TMBIM1: variants seen among roughly 807,000 people sequenced by gnomAD.
TMBIM1 encodes the protein protein lifeguard 3.
A neutral mutation model predicts 45.1 loss-of-function variants in TMBIM1; 34 were observed. The observed-to-expected ratio is 0.75, with a 90% confidence interval of 0.57 to 1.00. TMBIM1 has a LOEUF of 1.00. Ranked by LOEUF, TMBIM1 falls within the 50% of genes least tolerant of loss-of-function variation. TMBIM1 has a pLI of 0.00. For missense variants in TMBIM1, 374 were observed against 402.4 expected (o/e 0.93, Z 0.60); for synonymous variants, 157 against 153.5 (o/e 1.02, Z -0.17).
chr2:218,280,031 G>A lies in TMBIM1; in HGVS notation c.298C>T (p.Arg100Ter), dbSNP rs762640669. 10 of 1,613,906 alleles carry A rather than the reference G, an allele frequency of 6.2e-6. No individual in the cohort carries two copies. The highest frequency in any genetic ancestry group is 4.4e-5 in the South Asian group (4 of 91,078). Residue 100 changes from arginine to a stop codon, truncating the protein, a stop_gained, in exon 3 of 12, where the codon CGA (arginine) becomes TGA (stop). Transcript: ENST00000258412. LOFTEE classifies it high-confidence loss of function. Reference sequence around the variant, plus strand: ...CCTCCCAGCGCGTATCTTACCTTTCGGATAAAAGTGTGTCGCACTTTCCGG... The same window carrying A: ...CCTCCCAGCGCGTATCTTACCTTTCAGATAAAAGTGTGTCGCACTTTCCGG... ...DDRKVRHTFI[R>*]KVYSIISVQL... is the part of the protein sequence containing the mutation.
At chr2:218,279,694 C>T (rs1394340895) in intron 3 of TMBIM1, among the ~76,000 whole-genome samples, 1 of 152,122 alleles carries the variant, frequency 6.6e-6, no homozygotes, top group Non-Finnish European at 1.5e-5. Context: ...GGGTTACAAG[C>T]GAGTAGGATC....
chr2:218,290,615 G>A (rs1692871065), intron 1 of TMBIM1, among the ~76,000 whole-genome samples: 1 of 152,218 alleles, frequency 6.6e-6, no homozygotes, highest in Admixed American at 6.5e-5. Context: ...AGCTACCACA[G>A]AACCAGGAAA....
chr2:218,281,850 TAGAAG>T (rs1692034720), intron 2 of TMBIM1, 85 bp downstream of exon 2: 2 of 1,011,684 alleles, frequency 2.0e-6, no homozygotes, highest in South Asian at 1.4e-5. Context: ...TAAGGGAAAC[TAGAAG>T]AGAAAAGGGG....
In TMBIM1 at chr2:218,279,368, C is replaced by T. The variant is rs776568042; in HGVS notation, c.304-15G>A. The T allele has an allele frequency of 7.1e-6, 11 of 1,545,644 alleles. No individual in the cohort carries two copies. Among genetic ancestry groups the T allele is most frequent in the Non-Finnish European group, 7.8e-6 (9 of 1,147,588 alleles). ...ATGGAGTAAACCTGGACACAGACGG[C>T]CGGGCATGGGTCACCATCCGGCACC... On this transcript the variant is annotated splice_polypyrimidine_tract_variant and intron_variant, in intron 3 of 11. Transcript: ENST00000258412.
At chr2:218,288,255 C>G (rs1692678295) in intron 1 of TMBIM1, among the ~76,000 whole-genome samples, 1 of 152,154 alleles carries the variant, frequency 6.6e-6, no homozygotes, top group South Asian at 2.1e-4. Context: ...GGTGAAACCC[C>G]ATCTCTACTA....
chr2:218,289,368 G>A (rs1158381136), intron 1 of TMBIM1, among the ~76,000 whole-genome samples: 4 of 152,086 alleles, frequency 2.6e-5, no homozygotes, highest in African/African-American at 4.8e-5. Flanking sequence ...ATGGCCAGGC[G>A]CGGTGGCTCA....
intron 1 of TMBIM1, among the ~76,000 whole-genome samples, chr2:218,289,714 G>A (rs754783138): frequency 2.0e-5 from 3 of 151,150 alleles, no homozygotes; most frequent in Non-Finnish European, 4.4e-5. Flanking sequence ...AGGCTTCAGG[G>A]CAGAATGGCA....
At position 218,275,554 on chromosome 2, in the gene TMBIM1, A is replaced by T; in HGVS notation, c.857T>A (p.Ile286Asn). 1 of 1,613,970 alleles carries T rather than the reference A, an allele frequency of 6.2e-7. No individual in the cohort carries two copies. Among genetic ancestry groups the T allele is most frequent in the East Asian group, 2.2e-5 (1 of 44,858 alleles). Reference protein sequence around the residue: ...RKHTISPEDYITGALQIYTDI... With the variant: ...RKHTISPEDYNTGALQIYTDI... ...TGTGTAAATCTGCAGGGCGCCAGTG[A>T]TGTAGTCCTCGGGGCTGATGGTGTG... is the stretch of plus-strand genomic sequence containing the variant. Residue 286 changes from isoleucine (I) to asparagine (N), a missense_variant, in exon 12 of 12, where the codon ATC (isoleucine) becomes AAC (asparagine). Physicochemically the swap from Ile to Asn is moderately radical, Grantham distance 149. Transcript: ENST00000258412.
rs951034244 is a variant in TMBIM1 at position 218,281,866 on chromosome 2, C to A, written c.202+74G>T. The A allele has an allele frequency of 1.2e-5, 14 of 1,136,464 alleles. No homozygotes were observed. The African/African-American group carries it at 1.6e-4, about 13-fold the overall frequency. The allele number at this position is 1,136,464 out of a possible 1,614,324, so 70.4% of individuals were successfully genotyped here. On this transcript the variant is annotated intron_variant, in intron 2 of 11. Coordinates refer to ENST00000258412, the MANE Select transcript of TMBIM1 (RefSeq NM_022152.6). ...AAGGGAAACTAGAAGAGAAAAGGGG[C>A]AGGAGGCGGTGGCCTCATCTGCTCC...
intron 10 of TMBIM1, among the ~76,000 whole-genome samples, 166 bp from the exon 11 acceptor site, chr2:218,276,245 T>TA (rs908877590): frequency 2.0e-5 from 3 of 152,038 alleles, no homozygotes; most frequent in Non-Finnish European, 2.9e-5. Context: ...TTAAGACTGG[T>TA]GATATATCCA....
At chr2:218,278,668 T>C in intron 5 of TMBIM1, 103 bp from the exon 6 acceptor site, 4 of 1,289,442 alleles carry the variant, frequency 3.1e-6, no homozygotes, top group Non-Finnish European at 4.5e-6. Context: ...TTTGGAAGTC[T>C]GAGGGGAAGC....
At chr2:218,278,957 G>A in intron 5 of TMBIM1, 81 bp downstream of exon 5, 1 of 1,548,580 alleles carries the variant, frequency 6.5e-7, no homozygotes, top group Non-Finnish European at 8.9e-7. Flanking sequence ...TTTTGATCCT[G>A]CCCTGAGCAA....
chr2:218,279,208 G>T (rs1485813405), intron 4 of TMBIM1, 81 bp downstream of exon 4: 11 of 1,563,184 alleles, frequency 7.0e-6, no homozygotes, highest in Non-Finnish European at 9.6e-6. Context: ...TGAGAGCAGG[G>T]CCCACCGCCA....
intron 1 of TMBIM1, among the ~76,000 whole-genome samples, chr2:218,290,446 T>C (rs1264358877): frequency 1.3e-5 from 2 of 152,340 alleles, no homozygotes; most frequent in East Asian, 3.9e-4. Flanking sequence ...TACACCCAGC[T>C]GCCCCTCAGA....
At chr2:218,286,977 C>G (rs1164986194) in intron 1 of TMBIM1, 2 of 152,198 alleles carry the variant, frequency 1.3e-5, no homozygotes, top group African/African-American at 4.8e-5. Context: ...CACAAGAAAA[C>G]ACTTTATCCT....
intron 1 of TMBIM1, among the ~76,000 whole-genome samples, chr2:218,288,663 A>G (rs1452440076): frequency 6.6e-6 from 1 of 152,222 alleles, no homozygotes; most frequent in African/African-American, 2.4e-5. Context: ...ACCAGTAAGT[A>G]TAATATACAT....
At chr2:218,275,973 A>G in intron 11 of TMBIM1, 53 bp downstream of exon 11, 1 of 1,577,100 alleles carries the variant, frequency 6.3e-7, no homozygotes, top group South Asian at 1.2e-5. Context: ...CCTTCCCTAG[A>G]TTCCTCCCCT....
intron 1 of TMBIM1, among the ~76,000 whole-genome samples, chr2:218,287,815 G>T (rs992080833): frequency 6.6e-6 from 1 of 152,168 alleles, no homozygotes; most frequent in East Asian, 1.9e-4. Context: ...CATGGAGACC[G>T]AGGGGTGGCT....
At chr2:218,282,692 G>A (rs952902463) in intron 1 of TMBIM1, among the ~76,000 whole-genome samples, 3 of 152,178 alleles carry the variant, frequency 2.0e-5, no homozygotes, top group Non-Finnish European at 2.9e-5. Context: ...GTGGAGAGCC[G>A]GGGGAAGAAG....
Sources: allele counts gnomAD v4.1 joint callset (sites outside exome capture counted in the v4.1 genomes callset), GRCh38; gene constraint gnomAD v4.1.1; transcripts MANE v1.5; gene names NCBI Gene and HGNC (gene_info 2026-07-23, HGNC 2026-07-21).